Variants in UBAP1 observed in about 807,000 individuals in gnomAD.
UBAP1 encodes ubiquitin associated protein 1.
UBAP1 carries 5 observed loss-of-function variants against 39.0 expected under a neutral mutation model. The observed-to-expected ratio is 0.13, with a 90% CI of 0.07 to 0.27. The LOEUF is 0.27. UBAP1 is among the 10% of genes least tolerant of loss of function. UBAP1 has a pLI of 1.00. For synonymous variants in UBAP1, 211 were observed against 225.1 expected (o/e 0.94, Z 0.56); for missense variants, 490 against 608.1 (o/e 0.81, Z 2.04).
rs118034704 is a variant in UBAP1, at chr9:34,202,446, A to G, written c.-7-18462A>G. Among the ~76,000 whole-genome samples, 744 of 152,120 alleles carry G rather than the reference A, an allele frequency of 4.9e-3. 3 individuals are homozygous for G. The highest frequency in any genetic ancestry group is 0.027 in the Middle Eastern group (8 of 294). On this transcript the variant is annotated intron_variant, in intron 1 of 6. Transcript: ENST00000297661. Reference sequence around the variant, plus strand: ...CCTGCCCTGCCTGTGAGAGGGGCTTAAGACTCACAATGAGAAAGGGGTATT... The same window carrying G: ...CCTGCCCTGCCTGTGAGAGGGGCTTGAGACTCACAATGAGAAAGGGGTATT...
chr9:34,193,281 C>T (rs368037385), intron 1 of UBAP1, among the ~76,000 whole-genome samples: 6 of 151,808 alleles, frequency 4.0e-5, no homozygotes, highest in African/African-American at 1.2e-4. Flanking sequence ...ACTGCGCTCC[C>T]GCCTGGGTGA....
chr9:34,250,818 C>T (rs1209366472), intron 6 of UBAP1, 59 bp downstream of exon 6: 5 of 1,450,428 alleles, frequency 3.4e-6, no homozygotes, highest in Non-Finnish European at 4.8e-6. Flanking sequence ...AGTATCCATC[C>T]TGGTTTTCTC....
At chr9:34,179,469 G>GA (rs1022838641) in intron 1 of UBAP1, among the ~76,000 whole-genome samples, 14 of 152,050 alleles carry the variant, frequency 9.2e-5, no homozygotes, top group Non-Finnish European at 1.9e-4. Flanking sequence ...GTGGGATGCG[G>GA]AAAAATGAGT....
At chr9:34,204,257 A>G (rs1487739020) in intron 1 of UBAP1, among the ~76,000 whole-genome samples, 2 of 152,204 alleles carry the variant, frequency 1.3e-5, no homozygotes, top group Non-Finnish European at 2.9e-5. Context: ...GCTGCACTCC[A>G]GAGTGCAGAC....
At chr9:34,185,269 C>T (rs976333558) in intron 1 of UBAP1, among the ~76,000 whole-genome samples, 23 of 152,280 alleles carry the variant, frequency 1.5e-4, no homozygotes, top group African/African-American at 5.5e-4. Context: ...AGTTCTTGGC[C>T]AGACACAGTG....
At position 34,195,937 on chromosome 9, in the gene UBAP1, T is replaced by TTG. The variant is rs1425948884; in HGVS notation, c.-8+16698_-8+16699insGT. On this transcript the variant is annotated intron_variant, in intron 1 of 6. Transcript: ENST00000297661. ...TATACAAATTTTTTGGTTTTTTTTT[T>TTG]TTTTTTTTTTTTTTTTTTTTTTTTT... Among the ~76,000 whole-genome samples the TTG allele has an allele frequency of 1.3e-3, 107 of 82,680 alleles. 1 individual carries two copies. The highest frequency in any genetic ancestry group is 4.2e-3 in the African/African-American group (105 of 24,736). 54.2% of individuals were successfully genotyped at this position (82,680 alleles called of 152,430 possible).
intron 1 of UBAP1, 45 bp downstream of exon 1, chr9:34,179,285 T>TG: frequency 2.5e-5 from 1 of 40,320 alleles, no homozygotes; most frequent in Non-Finnish European, 4.1e-5. Flanking sequence ...GGGGCGGAGT[T>TG]GGGGGAGGGG....
chr9:34,182,961 G>C (rs1216636172), intron 1 of UBAP1, among the ~76,000 whole-genome samples: 1 of 151,788 alleles, frequency 6.6e-6, no homozygotes, highest in East Asian at 2.0e-4. Context: ...TGTAGTTTTA[G>C]TAGAGATGAG....
intron 5 of UBAP1, 68 bp downstream of exon 5, chr9:34,250,029 C>A: frequency 6.5e-7 from 1 of 1,538,466 alleles, no homozygotes. Context: ...CTCCCCTGTC[C>A]TAGAGCCCCT....
At chr9:34,218,547 C>T (rs1453883030) in intron 1 of UBAP1, among the ~76,000 whole-genome samples, 1 of 152,022 alleles carries the variant, frequency 6.6e-6, no homozygotes, top group Non-Finnish European at 1.5e-5. Context: ...AGTTTAGATA[C>T]CGCTACTTTC....
intron 1 of UBAP1, among the ~76,000 whole-genome samples, chr9:34,216,847 A>G (rs1169657070): frequency 1.3e-5 from 2 of 151,756 alleles, no homozygotes; most frequent in African/African-American, 4.8e-5. Context: ...GGGTTTGGCC[A>G]TATTACCCAG....
intron 1 of UBAP1, among the ~76,000 whole-genome samples, chr9:34,207,442 A>G (rs990120545): frequency 6.6e-6 from 1 of 151,192 alleles, no homozygotes; most frequent in Non-Finnish European, 1.5e-5. Context: ...TTTCATTTGC[A>G]TCATGGCAAA....
chr9:34,225,073 A>G (rs1832973596), intron 2 of UBAP1, among the ~76,000 whole-genome samples: 1 of 152,180 alleles, frequency 6.6e-6, no homozygotes, highest in Non-Finnish European at 1.5e-5. Context: ...TAGCCTTCTT[A>G]GCTTATGAGC....
At position 34,241,371 on chromosome 9, in the gene UBAP1, C is replaced by A. The variant is rs1833945878; in HGVS notation, c.346C>A (p.Pro116Thr). The change falls in exon 4 of 7, where the codon CCT (proline) becomes ACT (threonine). Residue 116 changes from proline to threonine, a missense_variant. Pro to Thr is a conservative substitution (Grantham distance 38). Coordinates refer to ENST00000297661, the MANE Select transcript of UBAP1 (RefSeq NM_016525.5). ...TCACAGTACAGCCACAATGCCACCT[C>A]CTATTAACCCCATCCTCGCCAGCTT... ...KTHSTATMPPPINPILASLQH... is the reference protein window; with the variant it reads ...KTHSTATMPPTINPILASLQH... The A allele has an allele frequency of 6.4e-7, 1 of 1,550,990 alleles. No individual in the cohort carries two copies. The highest frequency in any genetic ancestry group is 8.7e-7 in the Non-Finnish European group (1 of 1,149,034).
intron 3 of UBAP1, among the ~76,000 whole-genome samples, chr9:34,234,635 A>G (rs1833589362): frequency 6.6e-6 from 1 of 151,434 alleles, no homozygotes; most frequent in African/African-American, 2.4e-5. Context: ...AAAAAAAATG[A>G]TAGATATATA....
chr9:34,225,820 C>G (rs375378709), intron 2 of UBAP1, among the ~76,000 whole-genome samples: 41 of 151,382 alleles, frequency 2.7e-4, no homozygotes, highest in Middle Eastern at 3.4e-3. Flanking sequence ...AATCTCAATC[C>G]TCTTTCACTG....
intron 3 of UBAP1, among the ~76,000 whole-genome samples, chr9:34,239,353 T>C (rs1461874328): frequency 6.6e-6 from 1 of 152,262 alleles, no homozygotes; most frequent in Non-Finnish European, 1.5e-5. Flanking sequence ...AAACTTTGAC[T>C]GTCTGGAGTC....
chr9:34,236,119 C>T lies in UBAP1; in HGVS notation c.159+1779C>T, dbSNP rs143956758. ...AGTTGATCCGCCCACCTCGACCTCC[C>T]AAAATGCTGGGATTACAAGCGTGAG... is the stretch of plus-strand genomic sequence containing the variant. On this transcript the variant is annotated intron_variant, in intron 3 of 6. Transcript: ENST00000297661. Among the ~76,000 whole-genome samples, 77 of 152,124 alleles carry T rather than the reference C, an allele frequency of 5.1e-4. 1 individual carries two copies. Among genetic ancestry groups the T allele is most frequent in the African/African-American group, 1.8e-3 (76 of 41,508 alleles).
intron 2 of UBAP1, among the ~76,000 whole-genome samples, chr9:34,226,481 C>T (rs1180762864): frequency 2.0e-5 from 3 of 152,110 alleles, no homozygotes; most frequent in Non-Finnish European, 2.9e-5. Context: ...AGGTGATCCA[C>T]CTGCGTCTGC....
Sources: allele counts gnomAD v4.1 joint callset (sites outside exome capture counted in the v4.1 genomes callset), GRCh38; gene constraint gnomAD v4.1.1; transcripts MANE v1.5; gene names NCBI Gene and HGNC (gene_info 2026-07-23, HGNC 2026-07-21).